SMYD3: variants seen among roughly 807,000 people sequenced by gnomAD.
SMYD3 encodes the protein histone-lysine N-methyltransferase SMYD3.
SMYD3 carries 36 observed loss-of-function variants against 57.7 expected under a neutral mutation model. The observed-to-expected ratio is 0.62, with a 90% CI of 0.48 to 0.82. The LOEUF (loss-of-function observed/expected upper bound fraction) is 0.82. Among genes scored for constraint, SMYD3 ranks in the 40% least tolerant of loss-of-function variants. The probability of loss-of-function intolerance (pLI) is 0.00; values close to 1 mark genes in which losing one functional copy is unlikely to be tolerated. For synonymous variants in SMYD3, 211 were observed against 195.0 expected, an observed-to-expected ratio of 1.08 and a Z score of -0.68; for missense variants, 515 against 538.8, an observed-to-expected ratio of 0.96 and a Z score of 0.44.
intron 7 of SMYD3, among the ~76,000 whole-genome samples, chr1:245,926,540 C>T (rs1423800217): frequency 6.6e-6 from 1 of 152,122 alleles, no homozygotes; most frequent in Non-Finnish European, 1.5e-5. Context: ...TTGCTTGTTG[C>T]TCCAGAGATG....
chr1:246,421,451 C>A (rs1042078373), intron 1 of SMYD3, among the ~76,000 whole-genome samples: 3 of 151,922 alleles, frequency 2.0e-5, no homozygotes, highest in Non-Finnish European at 4.4e-5. Context: ...GAAAAGGTGA[C>A]CTTCAAATCC....
At chr1:246,504,876 AT>A (rs1213709348) in intron 1 of SMYD3, among the ~76,000 whole-genome samples, 1 of 152,256 alleles carries the variant, frequency 6.6e-6, no homozygotes, top group African/African-American at 2.4e-5. Context: ...ACAGAAACTT[AT>A]CCCTCAAGGA....
chr1:245,985,965 T>C (rs921035497), intron 5 of SMYD3, among the ~76,000 whole-genome samples: 1 of 152,146 alleles, frequency 6.6e-6, no homozygotes, highest in African/African-American at 2.4e-5. Context: ...GAATTCCTAG[T>C]GCTGATAATA....
At chr1:245,980,080 C>T (rs184139387) in intron 5 of SMYD3, among the ~76,000 whole-genome samples, 18 of 152,262 alleles carry the variant, frequency 1.2e-4, no homozygotes, top group Admixed American at 3.3e-4. Context: ...ATAGTGAAGT[C>T]GGCCTCACAG....
intron 5 of SMYD3, among the ~76,000 whole-genome samples, chr1:246,250,431 T>C (rs1572279682): frequency 6.6e-6 from 1 of 152,334 alleles, no homozygotes; most frequent in East Asian, 1.9e-4. Context: ...GAGAATATTT[T>C]ATTTCTAGAA....
intron 5 of SMYD3, among the ~76,000 whole-genome samples, chr1:245,993,579 AAGAT>A (rs1210624302): frequency 0.14 from 4,074 of 28,974 alleles, 93 homozygotes; most frequent in Non-Finnish European, 0.25. Context: ...AAAAAAAAAA[AAGAT>A]AGATAGATAG....
intron 5 of SMYD3, among the ~76,000 whole-genome samples, chr1:245,996,985 A>T (rs1390727368): frequency 6.6e-6 from 1 of 152,218 alleles, no homozygotes; most frequent in East Asian, 1.9e-4. Flanking sequence ...CACTGAGGCG[A>T]CGTCGCTGGT....
chr1:245,840,779 GAGC>G (rs1275093967), intron 10 of SMYD3, among the ~76,000 whole-genome samples: 3 of 151,682 alleles, frequency 2.0e-5, no homozygotes, highest in African/African-American at 7.3e-5. Context: ...TGCAGCTAAG[GAGC>G]AGGTCTGAAA....
At chr1:246,127,855 C>T (rs981782124) in intron 5 of SMYD3, among the ~76,000 whole-genome samples, 1 of 151,182 alleles carries the variant, frequency 6.6e-6, no homozygotes, top group African/African-American at 2.4e-5. Context: ...ACGATCACGC[C>T]CCTGTGCTCT....
intron 1 of SMYD3, among the ~76,000 whole-genome samples, chr1:246,466,013 C>T (rs1397502564): frequency 6.6e-6 from 1 of 152,212 alleles, no homozygotes; most frequent in Non-Finnish European, 1.5e-5. Context: ...CTCGTGTGAT[C>T]CACCTGCCTT....
chr1:246,336,551 A>T (rs1213329835), intron 2 of SMYD3, among the ~76,000 whole-genome samples: 1 of 152,252 alleles, frequency 6.6e-6, no homozygotes, highest in Non-Finnish European at 1.5e-5. Flanking sequence ...TGTGTATGAA[A>T]TAAGACTGCA....
At chr1:246,327,785 C>T (rs2065380030) in intron 4 of SMYD3, among the ~76,000 whole-genome samples, 1 of 152,056 alleles carries the variant, frequency 6.6e-6, no homozygotes, top group African/African-American at 2.4e-5. Flanking sequence ...AAAATAAGAA[C>T]TAAAAAGTTC....
chr1:246,211,708 T>G (rs770560764), intron 5 of SMYD3, among the ~76,000 whole-genome samples: 6 of 152,098 alleles, frequency 3.9e-5, no homozygotes, highest in Non-Finnish European at 8.8e-5. Context: ...AAAATGAGAC[T>G]TGGGAACTTT....
intron 1 of SMYD3, among the ~76,000 whole-genome samples, chr1:246,479,811 A>G (rs575220152): frequency 1.3e-5 from 2 of 152,276 alleles, no homozygotes; most frequent in South Asian, 4.1e-4. Flanking sequence ...CCCAGCCCAG[A>G]GCAGGGATTT....
At chr1:246,188,551 C>A (rs571851768) in intron 5 of SMYD3, among the ~76,000 whole-genome samples, 1 of 152,194 alleles carries the variant, frequency 6.6e-6, no homozygotes, top group Non-Finnish European at 1.5e-5. Flanking sequence ...AACAGAAACT[C>A]TGAACAAGTT....
At chr1:246,175,253 C>T (rs1365606852) in intron 5 of SMYD3, among the ~76,000 whole-genome samples, 1 of 151,900 alleles carries the variant, frequency 6.6e-6, no homozygotes, top group African/African-American at 2.4e-5. Flanking sequence ...TTATATTGCA[C>T]CAAAAATTAG....
chr1:246,480,563 C>T (rs1044514753), intron 1 of SMYD3, among the ~76,000 whole-genome samples: 5 of 152,016 alleles, frequency 3.3e-5, no homozygotes, highest in Non-Finnish European at 7.4e-5. Context: ...GTTCCTATTC[C>T]GAGAGAAAGG....
At chr1:246,490,221 T>C (rs1272777371) in intron 1 of SMYD3, among the ~76,000 whole-genome samples, 1 of 152,186 alleles carries the variant, frequency 6.6e-6, no homozygotes, top group African/African-American at 2.4e-5. Flanking sequence ...CACAGAATTA[T>C]AGATTTGATA....
At chr1:246,221,474 G>T (rs557797347) in intron 5 of SMYD3, among the ~76,000 whole-genome samples, 117 of 152,334 alleles carry the variant, frequency 7.7e-4, no homozygotes, top group African/African-American at 2.7e-3. Context: ...AAGGAGAAAG[G>T]AGCTGCAACC....
Sources: gnomAD v4.1 joint callset for allele counts (sites outside exome capture counted in the v4.1 genomes callset) on GRCh38, gnomAD v4.1.1 for gene constraint, MANE v1.5 for transcripts, NCBI Gene and HGNC (gene_info 2026-07-23, HGNC 2026-07-21) for gene names.